CHLSN: variants seen among roughly 807,000 people sequenced by gnomAD.
CHLSN encodes protein cholesin.
the CHLSN span, among the ~76,000 whole-genome samples, chr7:1,019,785 C>A: frequency 6.6e-6 from 1 of 152,198 alleles, no homozygotes; most frequent in Non-Finnish European, 1.5e-5. Flanking sequence ...GACCCCTCTT[C>A]TCCTGATGGA....
chr7:1,097,448 G>A, the CHLSN span, among the ~76,000 whole-genome samples: 1 of 152,212 alleles, frequency 6.6e-6, no homozygotes, highest in Non-Finnish European at 1.5e-5. The surrounding 1 kb of genome is among the most constrained non-coding windows in gnomAD (Gnocchi z 4.3). Context: ...AAAAGCAGGA[G>A]TCTGCAAGTC....
At chr7:1,041,806 C>G in the CHLSN span, among the ~76,000 whole-genome samples, 40 of 151,660 alleles carry the variant, frequency 2.6e-4, no homozygotes, top group African/African-American at 8.5e-4. Context: ...TCCCCGCCCC[C>G]CCGAGAAAGC....
the CHLSN span, among the ~76,000 whole-genome samples, chr7:1,049,215 A>C: frequency 2.6e-5 from 4 of 152,174 alleles, no homozygotes; most frequent in Non-Finnish European, 1.5e-5. Flanking sequence ...TCCCCTGCAC[A>C]CGTGTCCGTT....
the CHLSN span, among the ~76,000 whole-genome samples, chr7:1,060,749 A>C: frequency 6.6e-6 from 1 of 152,196 alleles, no homozygotes; most frequent in African/African-American, 2.4e-5. Context: ...TTCAGGTGTG[A>C]ACCTTTAAAG....
the CHLSN span, among the ~76,000 whole-genome samples, chr7:1,125,770 G>A: frequency 1.3e-5 from 2 of 152,248 alleles, no homozygotes; most frequent in South Asian, 2.1e-4. Context: ...CCGCAGACAC[G>A]GAAAGCCCTG....
the CHLSN span, chr7:1,000,446 G>A: frequency 8.5e-6 from 13 of 1,529,116 alleles, 1 homozygote; most frequent in African/African-American, 7.0e-5. Flanking sequence ...CCCAGGAGAC[G>A]TGCCTGCCCC....
chr7:1,116,732 G>T, the CHLSN span, among the ~76,000 whole-genome samples: 2 of 56,792 alleles, frequency 3.5e-5, 1 homozygote, highest in Admixed American at 3.2e-4. Flanking sequence ...GTCCACGCAG[G>T]ATGATGACAT....
At chr7:1,094,588 C>T in the CHLSN span, among the ~76,000 whole-genome samples, 2 of 152,228 alleles carry the variant, frequency 1.3e-5, no homozygotes, top group South Asian at 4.1e-4. Flanking sequence ...ACTCTCTCCT[C>T]CTGTCTGTGG....
chr7:1,030,941 C>T, the CHLSN span, among the ~76,000 whole-genome samples: 2 of 152,224 alleles, frequency 1.3e-5, no homozygotes. Context: ...CGCACCAGTC[C>T]ATGCATCCAC....
chr7:994,169 A>AT, the CHLSN span, among the ~76,000 whole-genome samples: 1 of 151,904 alleles, frequency 6.6e-6, no homozygotes, highest in Non-Finnish European at 1.5e-5. Context: ...TTATGTATTT[A>AT]TTTTTTCAGA....
chr7:1,029,678 G>A, the CHLSN span, among the ~76,000 whole-genome samples: 16 of 152,350 alleles, frequency 1.1e-4, 1 homozygote, highest in African/African-American at 1.7e-4. Flanking sequence ...CTCTCAAGGC[G>A]TCAGGGTCCA....
the CHLSN span, among the ~76,000 whole-genome samples, chr7:1,031,432 GGGGCAGA>G: frequency 8.8e-6 from 1 of 114,222 alleles, no homozygotes; most frequent in East Asian, 2.6e-4. Context: ...GTGGTCCGGG[GGGGCAGA>G]GACCTGCAGG....
chr7:1,089,077 G>A, the CHLSN span, among the ~76,000 whole-genome samples: 3 of 152,078 alleles, frequency 2.0e-5, no homozygotes, highest in Non-Finnish European at 4.4e-5. Flanking sequence ...TTCCTGCCAC[G>A]CCACGGTCTA....
chr7:1,036,765 A>C, the CHLSN span, among the ~76,000 whole-genome samples: 1 of 148,906 alleles, frequency 6.7e-6, no homozygotes, highest in Admixed American at 6.7e-5. Context: ...AACAAGAGAG[A>C]CATTTCTGGC....
the CHLSN span, chr7:1,092,552 A>G: frequency 1.9e-6 from 3 of 1,609,734 alleles, no homozygotes; most frequent in Admixed American, 5.0e-5. Flanking sequence ...TGGCTGCCGG[A>G]GAACGTCTTC....
At chr7:992,389 GC>G in the CHLSN span, among the ~76,000 whole-genome samples, 2 of 152,142 alleles carry the variant, frequency 1.3e-5, no homozygotes, top group African/African-American at 4.8e-5. Context: ...GGAGGGTGAG[GC>G]CCCCCCACAG....
chr7:997,744 GGGCCC>G, the CHLSN span: 1 of 1,611,148 alleles, frequency 6.2e-7, no homozygotes, highest in Non-Finnish European at 8.5e-7. Context: ...GTCAGCTCTC[GGGCCC>G]GGCCCTGCAG....
the CHLSN span, among the ~76,000 whole-genome samples, chr7:1,041,745 A>C: frequency 6.6e-6 from 1 of 151,856 alleles, no homozygotes; most frequent in East Asian, 1.9e-4. Flanking sequence ...CAACACAATC[A>C]CTAGAGAAGG....
chr7:1,079,713 G>T, the CHLSN span, among the ~76,000 whole-genome samples: 2 of 152,174 alleles, frequency 1.3e-5, no homozygotes, highest in Admixed American at 1.3e-4. Flanking sequence ...GGGCTCAGGG[G>T]CAGGGGTGAC....
Sources: allele counts gnomAD v4.1 joint callset (sites outside exome capture counted in the v4.1 genomes callset), GRCh38; gene constraint gnomAD v4.1.1; non-coding constraint Gnocchi (gnomAD v3.1); transcripts MANE v1.5; gene names NCBI Gene and HGNC (gene_info 2026-07-23, HGNC 2026-07-21).